KDM4A: variants seen among roughly 807,000 people sequenced by gnomAD.
KDM4A encodes lysine demethylase 4A, also known as lysine-specific demethylase 4A.
A neutral mutation model predicts 127.1 loss-of-function variants in KDM4A; 23 were observed. The ratio of observed to expected loss-of-function variants is 0.18; its 90% CI spans 0.13 to 0.26. The LOEUF (loss-of-function observed/expected upper bound fraction) is 0.26, where lower values mean the gene tolerates loss of function less well. Ranked by LOEUF, KDM4A falls within the 10% of genes least tolerant of loss-of-function variation. The pLI is 1.00. For synonymous variants in KDM4A, 443 were observed against 466.5 expected (o/e 0.95, Z 0.65); for missense variants, 890 against 1,329.1 (o/e 0.67, Z 5.14).
chr1:43,674,143 A>G (rs1471407567), intron 11 of KDM4A, among the ~76,000 whole-genome samples: 1 of 152,084 alleles, frequency 6.6e-6, no homozygotes, highest in African/African-American at 2.4e-5. Flanking sequence ...GGGTTTCAAC[A>G]TGTTGCCCAG....
At chr1:43,671,340 G>C (rs748641090) in intron 10 of KDM4A, among the ~76,000 whole-genome samples, 165 bp from the exon 11 acceptor site, 2 of 152,204 alleles carry the variant, frequency 1.3e-5, no homozygotes, top group African/African-American at 4.8e-5. Flanking sequence ...AGGCCAGGAG[G>C]CTGAGCAAAT....
At chr1:43,703,420 G>A in intron 19 of KDM4A, 197 bp from the exon 20 acceptor site, 1 of 421,416 alleles carries the variant, frequency 2.4e-6, no homozygotes, top group South Asian at 3.7e-5. Context: ...TGGTCACCTA[G>A]AAGCAGGAGA....
At chr1:43,696,497 T>A (rs764310651) in intron 18 of KDM4A, among the ~76,000 whole-genome samples, 1 of 152,206 alleles carries the variant, frequency 6.6e-6, no homozygotes, top group South Asian at 2.1e-4. Context: ...CATAAAGATG[T>A]TGAACGTGAC....
rs1175838663 is a variant in KDM4A at position 43,704,525 on chromosome 1, T to C, written c.*155T>C. On this transcript the variant is annotated 3_prime_UTR_variant, in exon 22 of 22. Coordinates refer to ENST00000372396, the MANE Select transcript of KDM4A (RefSeq NM_014663.3). ...CCCATCATCTTCTCACCCACCCTCATTGCATTCCGCTGTAGTGAAAGGACG... is the reference window on the plus strand; with the variant it reads ...CCCATCATCTTCTCACCCACCCTCACTGCATTCCGCTGTAGTGAAAGGACG... 2.7e-5 allele frequency: 22 copies of C among 800,622 alleles called. No individual in the cohort carries two copies. The highest frequency in any genetic ancestry group is 3.9e-5 in the Non-Finnish European group (20 of 510,542). 49.6% of individuals were successfully genotyped at this position (800,622 alleles called of 1,614,324 possible). A position where few individuals can be genotyped will look rare whatever the true frequency, so the allele number is the denominator to read the frequency against.
intron 8 of KDM4A, 47 bp from the exon 9 acceptor site, chr1:43,667,725 A>G: frequency 6.2e-7 from 1 of 1,610,778 alleles, no homozygotes; most frequent in Non-Finnish European, 8.5e-7. Context: ...GTGAGTTGGA[A>G]GCAGCAAGGT....
Position 43,686,277 on chromosome 1 carries a change from C to T in KDM4A, c.1855+2473C>T, listed in dbSNP as rs553547878. ...GGTCTCGAACTCCTGACCTTGTGAT[C>T]CACCCACCTCGGCCTCCCAAAGTGC... On this transcript the variant is annotated intron_variant, in intron 12 of 21. Transcript: ENST00000372396. Among the ~76,000 whole-genome samples, 49 of 143,224 alleles carry T rather than the reference C, an allele frequency of 3.4e-4. No individual in the cohort carries two copies. The South Asian group carries it at 0.011, about 31-fold the overall frequency. The allele number at this position is 143,224 out of a possible 152,430, so 94.0% of individuals were successfully genotyped here.
At position 43,693,278 on chromosome 1, in the gene KDM4A, C is replaced by G. The variant is rs1411620959; in HGVS notation, c.2376-716C>G. Reference sequence around the variant, plus strand: ...CAAATCTGTTCCCACTCTAAAAAGACAGCCCCACTAGAACTGCAGAGAGCT... The same window carrying G: ...CAAATCTGTTCCCACTCTAAAAAGAGAGCCCCACTAGAACTGCAGAGAGCT... On this transcript the variant is annotated intron_variant, in intron 16 of 21. Coordinates refer to ENST00000372396, the MANE Select transcript of KDM4A (RefSeq NM_014663.3). The surrounding 1 kb of genome is among the most constrained non-coding windows in gnomAD (Gnocchi z 4.2). Among the ~76,000 whole-genome samples the G allele has an allele frequency of 6.6e-6, 1 of 152,238 alleles. No homozygotes were observed.
intron 13 of KDM4A, among the ~76,000 whole-genome samples, chr1:43,690,071 A>G (rs1557917509): frequency 6.6e-6 from 1 of 152,202 alleles, no homozygotes; most frequent in Admixed American, 6.5e-5. Flanking sequence ...GATATTTGCA[A>G]TCAGTATAGT....
chr1:43,664,855 C>T (rs1660465031), intron 5 of KDM4A, among the ~76,000 whole-genome samples: 1 of 152,140 alleles, frequency 6.6e-6, no homozygotes, highest in Non-Finnish European at 1.5e-5. Flanking sequence ...GAAGTGGGAC[C>T]TCCAGAGCCT....
intron 11 of KDM4A, among the ~76,000 whole-genome samples, chr1:43,672,500 T>TC (rs995518128): frequency 2.7e-5 from 4 of 150,004 alleles, no homozygotes; most frequent in Admixed American, 6.6e-5. Context: ...TGTTTTTTTT[T>TC]CTTTTTTTTT....
chr1:43,704,788 TGC>T lies in KDM4A; in HGVS notation c.*420_*421del. 5.6e-6 allele frequency: 1 copy of T among 177,214 alleles called. No homozygotes were observed. The highest frequency in any genetic ancestry group is 1.7e-4 in the East Asian group (1 of 5,884). 11.0% of individuals were successfully genotyped at this position (177,214 alleles called of 1,614,324 possible). A position where few individuals can be genotyped will look rare whatever the true frequency, so the allele number is the denominator to read the frequency against. ...ATTTATATGTGTGTGTGTGTGTGCGTGCGTGCGTGCGTGCGTGTATGTTTGGT... is the reference window on the plus strand; with the variant it reads ...ATTTATATGTGTGTGTGTGTGTGCGTGTGCGTGCGTGCGTGTATGTTTGGT... On this transcript the variant is annotated 3_prime_UTR_variant, in exon 22 of 22. Transcript: ENST00000372396.
chr1:43,656,329 G>GGTT (rs1660237607), intron 3 of KDM4A, among the ~76,000 whole-genome samples: 1 of 54,154 alleles, frequency 1.8e-5, no homozygotes, highest in African/African-American at 8.1e-5. Flanking sequence ...TCTGCTGTTG[G>GGTT]TTTTTTTTTT....
In KDM4A at chr1:43,694,082, C is replaced by A; in HGVS notation, c.2464C>A (p.Pro822Thr). ...AAGTCCGGTGGATGTGAGCAAAATC[C>A]CCCTGCCCCGCTTCAAACTGGTAAG... ...ERSPVDVSKI[P>T]LPRFKLKCIF... Residue 822 changes from proline (P) to threonine (T), a missense_variant, in exon 17 of 22, where the codon CCC becomes ACC. Physicochemically the swap from Pro to Thr is conservative, Grantham distance 38. Coordinates refer to ENST00000372396, the MANE Select transcript of KDM4A (RefSeq NM_014663.3). This position sits in a 1 kb window ranked among gnomAD's most constrained non-coding sequence, Gnocchi z 5.2. The A allele has an allele frequency of 6.2e-7, 1 of 1,613,964 alleles. No homozygotes were observed. Among genetic ancestry groups the A allele is most frequent in the Admixed American group, 1.7e-5 (1 of 60,022 alleles).
In KDM4A at chr1:43,653,055, C is replaced by G. The variant is rs1660154734; in HGVS notation, c.-39-82C>G. On this transcript the variant is annotated intron_variant, in intron 1 of 21. Coordinates refer to ENST00000372396, the MANE Select transcript of KDM4A (RefSeq NM_014663.3). ...TGTGTCTTTTGAATTTCTATATTAT[C>G]TTTTACTGTTTTCAGAGTTGATGTT... The G allele has an allele frequency of 4.3e-6, 3 of 705,572 alleles. No individual in the cohort carries two copies. The Admixed American group carries it at 1.1e-4, about 26-fold the overall frequency. The allele number at this position is 705,572 out of a possible 1,614,324, so 43.7% of individuals were successfully genotyped here.
At position 43,693,864 on chromosome 1, in the gene KDM4A, TC is replaced by T. The variant is rs1661177878; in HGVS notation, c.2376-127del. On this transcript the variant is annotated intron_variant, in intron 16 of 21. Transcript: ENST00000372396. This position sits in a 1 kb window ranked among gnomAD's most constrained non-coding sequence, Gnocchi z 4.2. ...CGGTTCTGGTTCTCACCTTCCTGGGTCCCAGGCATGTGCTGGTGGAAGTCAG... is the reference window on the plus strand; with the variant it reads ...CGGTTCTGGTTCTCACCTTCCTGGGTCCAGGCATGTGCTGGTGGAAGTCAG... 3 of 686,244 alleles carry T rather than the reference TC, an allele frequency of 4.4e-6. No individual in the cohort carries two copies. The Admixed American group carries it at 7.7e-5, about 18-fold the overall frequency. 42.5% of individuals were successfully genotyped at this position (686,244 alleles called of 1,614,324 possible).
Position 43,666,998 on chromosome 1 carries a change from T to C in KDM4A, c.822T>C (p.Gly274=). 1.9e-6 allele frequency: 3 copies of C among 1,614,126 alleles called. No homozygotes were observed. The highest frequency in any genetic ancestry group is 2.5e-6 in the Non-Finnish European group (3 of 1,179,978). ...AGTTTATGATCACTTTCCCTTATGG[T>C]TACCATGCCGGCTTTAACCATGGTT... is the stretch of plus-strand genomic sequence containing the variant. ...AGEFMITFPY[G]YHAGFNHGFN... is the part of the protein sequence containing the mutation. Residue 274 remains glycine (G), a synonymous_variant, in exon 8 of 22, where the codon GGT becomes GGC. Coordinates refer to ENST00000372396, the MANE Select transcript of KDM4A (RefSeq NM_014663.3).
chr1:43,662,750 G>T (rs1660413349), intron 4 of KDM4A, 144 bp from the exon 5 acceptor site: 1 of 642,262 alleles, frequency 1.6e-6, no homozygotes. Context: ...GGAATGCTAT[G>T]GTCTTCACGT....
rs558261776 is a variant in KDM4A, at chr1:43,688,481, T to C, written c.1856-433T>C. On this transcript the variant is annotated intron_variant, in intron 12 of 21. Transcript: ENST00000372396. This position sits in a 1 kb window ranked among gnomAD's most constrained non-coding sequence, Gnocchi z 4.4. ...CCAATTCCCTGTTATTTTCCTTCCT[T>C]GTTTAGTTGCACTAAAGGGAAAACT... Among the ~76,000 whole-genome samples, 10 of 152,342 alleles carry C rather than the reference T, an allele frequency of 6.6e-5. No individual in the cohort carries two copies. In the East Asian group the frequency reaches 1.9e-3, roughly 29 times the overall value.
chr1:43,676,166 T>C (rs1180911080), intron 11 of KDM4A, among the ~76,000 whole-genome samples: 6 of 150,950 alleles, frequency 4.0e-5, no homozygotes, highest in Non-Finnish European at 8.8e-5. Context: ...GCCATACACC[T>C]GTGGTCCCAG....
Sources: gnomAD v4.1 joint callset for allele counts (sites outside exome capture counted in the v4.1 genomes callset) on GRCh38, gnomAD v4.1.1 for gene constraint, Gnocchi (gnomAD v3.1) non-coding constraint, MANE v1.5 for transcripts, NCBI Gene and HGNC (gene_info 2026-07-23, HGNC 2026-07-21) for gene names.